ARPP21: variants seen among roughly 807,000 people sequenced by gnomAD.
ARPP21 encodes cAMP regulated phosphoprotein 21, also known as cAMP-regulated phosphoprotein 21.
ARPP21 carries 69 observed loss-of-function variants against 113.2 expected under a neutral mutation model. The ratio of observed to expected loss-of-function variants is 0.61; its 90% CI spans 0.50 to 0.74. The LOEUF (loss-of-function observed/expected upper bound fraction) is 0.74. ARPP21 is among the 30% of genes least tolerant of loss of function. The probability of loss-of-function intolerance (pLI) is 0.00; values close to 1 mark genes in which losing one functional copy is unlikely to be tolerated. For missense variants in ARPP21, 1,070 were observed against 1,037.4 expected (o/e 1.03, Z -0.43); for synonymous variants, 368 against 375.5 (o/e 0.98, Z 0.23).
At chr3:35,703,029 T>C (rs1328978231) in intron 9 of ARPP21, among the ~76,000 whole-genome samples, 1 of 151,834 alleles carries the variant, frequency 6.6e-6, no homozygotes, top group Admixed American at 6.6e-5. Context: ...CGTATACATA[T>C]TGGTAACCAC....
intron 1 of ARPP21, among the ~76,000 whole-genome samples, chr3:35,642,838 T>A (rs1222773171): frequency 6.6e-6 from 1 of 152,152 alleles, no homozygotes; most frequent in Non-Finnish European, 1.5e-5. Context: ...TTGTCACAAC[T>A]AAGAGAAGCA....
chr3:35,706,349 C>G (rs1045320156), intron 9 of ARPP21, among the ~76,000 whole-genome samples: 3 of 152,138 alleles, frequency 2.0e-5, no homozygotes, highest in Non-Finnish European at 4.4e-5. Flanking sequence ...AGCATTTTCC[C>G]CATGCTAATC....
intron 9 of ARPP21, among the ~76,000 whole-genome samples, chr3:35,700,501 T>G (rs2085941463): frequency 6.6e-6 from 1 of 151,150 alleles, no homozygotes; most frequent in Non-Finnish European, 1.5e-5. Flanking sequence ...AATTGAAGGA[T>G]GGAGAATTTA....
chr3:35,684,649 TATC>T, intron 5 of ARPP21: 14 of 985,364 alleles, frequency 1.4e-5, no homozygotes, highest in Non-Finnish European at 1.7e-5. Context: ...TTGATTAAGA[TATC>T]ATTATTTTTG....
intron 1 of ARPP21, among the ~76,000 whole-genome samples, chr3:35,645,971 T>C (rs1052306424): frequency 1.3e-5 from 2 of 152,014 alleles, no homozygotes; most frequent in African/African-American, 4.8e-5. Context: ...AAATTGAACA[T>C]CAATTTCTAA....
intron 10 of ARPP21, 145 bp from the exon 11 acceptor site, chr3:35,708,824 G>C: frequency 1.6e-6 from 1 of 637,628 alleles, no homozygotes. Context: ...ACCCAACACA[G>C]CCTCCTCAGG....
At chr3:35,672,407 G>A (rs1381744957) in intron 1 of ARPP21, among the ~76,000 whole-genome samples, 6 of 152,040 alleles carry the variant, frequency 3.9e-5, no homozygotes, top group Non-Finnish European at 8.8e-5. Context: ...ACCTTCTAGT[G>A]GCTGTTGGTT....
Position 35,668,023 on chromosome 3 carries a change from GAAGA to G in ARPP21, c.-212-11762_-212-11759del, listed in dbSNP as rs1559550635. On this transcript the variant is annotated intron_variant, in intron 1 of 20. Transcript: ENST00000684406. ...AGAAGAAGAAGAAGAAGAAGAAGAAGAAGAAGAAGGAGAAGAAGAAGAAAGAAGA... is the reference window on the plus strand; with the variant it reads ...AGAAGAAGAAGAAGAAGAAGAAGAAGAGAAGGAGAAGAAGAAGAAAGAAGA... Among the ~76,000 whole-genome samples the G allele has an allele frequency of 5.0e-4, 73 of 146,848 alleles. 1 individual carries two copies. The highest frequency in any genetic ancestry group is 9.1e-4 in the African/African-American group (36 of 39,628).
chr3:35,709,822 C>T (rs974624026), intron 11 of ARPP21, among the ~76,000 whole-genome samples: 5 of 152,158 alleles, frequency 3.3e-5, no homozygotes, highest in African/African-American at 1.2e-4. Context: ...CTTCCCCCTG[C>T]GTCAGTAGAA....
intron 19 of ARPP21, among the ~76,000 whole-genome samples, chr3:35,750,719 G>A (rs758822539): frequency 4.6e-5 from 7 of 152,138 alleles, no homozygotes; most frequent in Non-Finnish European, 7.4e-5. Flanking sequence ...CAAGGCAAAA[G>A]TTGCCTCCAG....
intron 9 of ARPP21, among the ~76,000 whole-genome samples, chr3:35,700,493 T>G (rs1033034201): frequency 1.3e-5 from 2 of 151,470 alleles, no homozygotes; most frequent in Admixed American, 1.3e-4. Context: ...AGCACTGAAA[T>G]TGAAGGATGG....
intron 20 of ARPP21, 101 bp downstream of exon 20, chr3:35,792,631 C>A: frequency 1.0e-6 from 1 of 1,000,554 alleles, no homozygotes; most frequent in Non-Finnish European, 1.6e-6. Flanking sequence ...CTGGGTAATG[C>A]GTGCTTGGTC....
chr3:35,685,145 T>A (rs931037954), intron 5 of ARPP21: 196 of 985,364 alleles, frequency 2.0e-4, no homozygotes, highest in Non-Finnish European at 2.3e-4. Context: ...ACAGCCTTTA[T>A]AGACTTAATC....
At chr3:35,726,558 T>A (rs1286652165) in intron 14 of ARPP21, among the ~76,000 whole-genome samples, 3 of 152,262 alleles carry the variant, frequency 2.0e-5, no homozygotes, top group Non-Finnish European at 4.4e-5. Context: ...ATTTACATTG[T>A]CTTCTCATTT....
At chr3:35,759,674 C>G (rs55853672) in intron 19 of ARPP21, among the ~76,000 whole-genome samples, 37,874 of 129,862 alleles carry the variant, frequency 0.29, 5,185 homozygotes, top group African/African-American at 0.42. Flanking sequence ...CATTTTCTCT[C>G]TCTGTGTGTG....
intron 19 of ARPP21, among the ~76,000 whole-genome samples, chr3:35,751,748 A>C (rs150767850): frequency 9.9e-5 from 15 of 152,252 alleles, no homozygotes; most frequent in Admixed American, 5.9e-4. Context: ...CTCTCTTGTC[A>C]GAGCCAGAGA....
At chr3:35,768,995 G>T (rs1186396682) in intron 19 of ARPP21, among the ~76,000 whole-genome samples, 1 of 152,036 alleles carries the variant, frequency 6.6e-6, no homozygotes, top group Non-Finnish European at 1.5e-5. Context: ...AAAGGTAATG[G>T]GAAATGATTA....
intron 19 of ARPP21, among the ~76,000 whole-genome samples, chr3:35,785,701 T>A (rs764737453): frequency 6.6e-6 from 1 of 152,156 alleles, no homozygotes; most frequent in Non-Finnish European, 1.5e-5. Context: ...CTTTTAAGAA[T>A]TACATTCTGT....
intron 1 of ARPP21, among the ~76,000 whole-genome samples, chr3:35,663,115 C>T (rs1708559183): frequency 6.6e-6 from 1 of 151,970 alleles, no homozygotes; most frequent in South Asian, 2.1e-4. Context: ...TGTAGCATTT[C>T]TCATGTACCC....
Sources: allele counts gnomAD v4.1 joint callset (sites outside exome capture counted in the v4.1 genomes callset), GRCh38; gene constraint gnomAD v4.1.1; transcripts MANE v1.5; gene names NCBI Gene and HGNC (gene_info 2026-07-23, HGNC 2026-07-21).